Variants in SLC2A9 observed in about 807,000 individuals in gnomAD.
SLC2A9 encodes solute carrier family 2, facilitated glucose transporter member 9.
Under a neutral mutation model 50.6 loss-of-function variants are expected in SLC2A9, and 39 were observed. The observed-to-expected ratio is 0.77, with a 90% CI of 0.60 to 1.01. The LOEUF (loss-of-function observed/expected upper bound fraction) is 1.01, where lower values mean the gene tolerates loss of function less well. SLC2A9 is among the 50% of genes least tolerant of loss of function. The pLI is 0.00. For synonymous variants in SLC2A9, 324 were observed against 276.9 expected, an observed-to-expected ratio of 1.17 and a Z score of -1.69; for missense variants, 686 against 677.6, an observed-to-expected ratio of 1.01 and a Z score of -0.14.
At chr4:9,943,468 G>A (rs542710155) in intron 5 of SLC2A9, among the ~76,000 whole-genome samples, 51 of 152,324 alleles carry the variant, frequency 3.3e-4, no homozygotes, top group Admixed American at 5.9e-4. Context: ...GGAGGGGTAG[G>A]CTAGGGCTGT....
chr4:9,832,800 C>T (rs1315114655), intron 11 of SLC2A9, among the ~76,000 whole-genome samples: 33 of 152,298 alleles, frequency 2.2e-4, no homozygotes, highest in Non-Finnish European at 2.2e-4. Flanking sequence ...TACCTCCTAG[C>T]ACAGGCAGCG....
intron 10 of SLC2A9, among the ~76,000 whole-genome samples, chr4:9,885,096 A>G (rs139277680): frequency 6.6e-6 from 1 of 152,198 alleles, no homozygotes; most frequent in Non-Finnish European, 1.5e-5. Context: ...ATTGCTGTCG[A>G]TAAGTACAGC....
intron 11 of SLC2A9, among the ~76,000 whole-genome samples, 182 bp from the exon 12 acceptor site, chr4:9,826,782 G>A (rs370149839): frequency 1.1e-3 from 160 of 152,276 alleles, no homozygotes; most frequent in African/African-American, 3.4e-3. Context: ...ATCACATAAG[G>A]CTTGAATAAA....
At chr4:9,894,135 C>T (rs1304687234) in intron 8 of SLC2A9, among the ~76,000 whole-genome samples, 2 of 152,138 alleles carry the variant, frequency 1.3e-5, no homozygotes, top group African/African-American at 4.8e-5. Context: ...GCATGGACAA[C>T]GATCTTTGTT....
At chr4:9,976,736 G>A (rs1235114609) in intron 5 of SLC2A9, among the ~76,000 whole-genome samples, 2 of 152,200 alleles carry the variant, frequency 1.3e-5, no homozygotes, top group Non-Finnish European at 1.5e-5. Flanking sequence ...CCCCTTGGCT[G>A]GCATCATGTT....
At chr4:10,038,166 A>G (rs1428987300) in intron 1 of SLC2A9, among the ~76,000 whole-genome samples, 1 of 151,936 alleles carries the variant, frequency 6.6e-6, no homozygotes, top group East Asian at 1.9e-4. Context: ...TCCCTTACAT[A>G]GTATGTGTAT....
chr4:9,872,083 T>C (rs567085562), intron 10 of SLC2A9, among the ~76,000 whole-genome samples: 1 of 152,194 alleles, frequency 6.6e-6, no homozygotes, highest in Non-Finnish European at 1.5e-5. Context: ...GTGGGGGATG[T>C]TTCCCCAGGG....
At chr4:9,878,104 C>T (rs6810736) in intron 10 of SLC2A9, among the ~76,000 whole-genome samples, 69,909 of 151,750 alleles carry the variant, frequency 0.46, 19,038 homozygotes, top group Non-Finnish European at 0.62. Context: ...TTATCTTCAA[C>T]TCCCAGCCCA....
chr4:9,842,691 C>T (rs1283868158), intron 10 of SLC2A9, among the ~76,000 whole-genome samples: 1 of 152,134 alleles, frequency 6.6e-6, no homozygotes, highest in African/African-American at 2.4e-5. Flanking sequence ...ACAGGGTACT[C>T]TTCATATCAC....
chr4:9,906,466 T>C (rs1399650860), intron 8 of SLC2A9, among the ~76,000 whole-genome samples: 1 of 152,130 alleles, frequency 6.6e-6, no homozygotes, highest in African/African-American at 2.4e-5. Flanking sequence ...AATAAGAAAA[T>C]GGAGAGTCAT....
chr4:9,975,824 T>C (rs1186741699), intron 5 of SLC2A9, among the ~76,000 whole-genome samples: 1 of 152,206 alleles, frequency 6.6e-6, no homozygotes, highest in African/African-American at 2.4e-5. Flanking sequence ...CTATTCACAA[T>C]AGCAAAGACA....
In SLC2A9 at chr4:9,792,552, AGAGT is replaced by A. The variant is rs576735332; in HGVS notation, n.386-12491_386-12488del. On this transcript the variant is annotated intron_variant and non_coding_transcript_variant, in intron 3 of 3. Coordinates refer to the SLC2A9 transcript ENST00000503803. ...AACATTGTTGCTAAAGAGTTTGTAT[AGAGT>A]GAGTAATTATTAGTGTCCCTGCATG... is the stretch of plus-strand genomic sequence containing the variant. Among the ~76,000 whole-genome samples the A allele has an allele frequency of 6.6e-3, 1,003 of 152,244 alleles. 8 individuals carry two copies. Among genetic ancestry groups the A allele is most frequent in the Middle Eastern group, 0.027 (8 of 294 alleles).
rs370703629 is a variant in SLC2A9 at position 9,826,347 on chromosome 4, T to C, written c.*50A>G. On this transcript the variant is annotated 3_prime_UTR_variant, in exon 12 of 12. Coordinates refer to ENST00000264784, the MANE Select transcript of SLC2A9 (RefSeq NM_020041.3). ...TTCCTGAAAAGTGAGATCATCCATG[T>C]AGACAATCCTGTTTTTGACATAATT... The C allele has an allele frequency of 5.0e-6, 8 of 1,584,632 alleles. No individual in the cohort carries two copies. The African/African-American group carries it at 6.7e-5, about 13-fold the overall frequency.
chr4:9,777,302 T>C (rs1428799876), downstream of SLC2A9, among the ~76,000 whole-genome samples: 4 of 151,834 alleles, frequency 2.6e-5, no homozygotes, highest in East Asian at 3.9e-4. Context: ...TGTTTCTTTT[T>C]TTTTTTTTTT....
chr4:9,790,604 G>A (rs1314451882), intron 3 of SLC2A9, among the ~76,000 whole-genome samples: 1 of 152,194 alleles, frequency 6.6e-6, no homozygotes, highest in Non-Finnish European at 1.5e-5. Flanking sequence ...GAGTTTGGGA[G>A]GTGGGGGATG....
intron 3 of SLC2A9, among the ~76,000 whole-genome samples, chr4:9,804,975 C>A (rs1721931382): frequency 1.3e-5 from 2 of 152,100 alleles, no homozygotes; most frequent in South Asian, 4.2e-4. Context: ...GCCAGAGGGA[C>A]AAAAAGAGGA....
chr4:9,835,637 G>A (rs1726927862), intron 10 of SLC2A9, among the ~76,000 whole-genome samples: 1 of 152,222 alleles, frequency 6.6e-6, no homozygotes, highest in South Asian at 2.1e-4. Context: ...CAACAGTGAG[G>A]TCAAAAGCAA....
chr4:9,792,159 G>GTTTTTTT (rs1228816556), intron 3 of SLC2A9, among the ~76,000 whole-genome samples: 1 of 94,602 alleles, frequency 1.1e-5, no homozygotes, highest in African/African-American at 3.5e-5. Flanking sequence ...TCTATTCTAT[G>GTTTTTTT]TTTCTTTTTT....
chr4:9,928,359 A>G (rs1560321028), intron 6 of SLC2A9, among the ~76,000 whole-genome samples: 4 of 152,358 alleles, frequency 2.6e-5, no homozygotes, highest in East Asian at 3.9e-4. Flanking sequence ...ACCTTTTATA[A>G]GAAACTGTTC....
Sources: allele counts gnomAD v4.1 joint callset (sites outside exome capture counted in the v4.1 genomes callset), GRCh38; gene constraint gnomAD v4.1.1; transcripts MANE v1.5; gene names NCBI Gene and HGNC (gene_info 2026-07-23, HGNC 2026-07-21).